The following ACACA variants were observed in gnomAD, a reference collection of about 807,000 sequenced individuals.
ACACA encodes the protein acetyl-CoA carboxylase alpha, also known as acetyl-CoA carboxylase 1.
In ACACA, 103 loss-of-function variants were observed where a neutral mutation model predicts 296.1. The ratio of observed to expected loss-of-function variants is 0.35; its 90% CI spans 0.30 to 0.41. The LOEUF is 0.41. ACACA is among the 10% of genes least tolerant of loss of function. The pLI, the probability that ACACA is intolerant of heterozygous loss-of-function variation, is 1.00. For missense variants in ACACA, 1,554 were observed against 2,989.7 expected, an observed-to-expected ratio of 0.52 and a Z score of 11.20; for synonymous variants, 953 against 1,038.6, an observed-to-expected ratio of 0.92 and a Z score of 1.58.
intron 41 of ACACA, among the ~76,000 whole-genome samples, chr17:37,163,508 C>T (rs372687047): frequency 6.6e-6 from 1 of 152,264 alleles, no homozygotes; most frequent in African/African-American, 2.4e-5. Flanking sequence ...GACATTTGTT[C>T]CAAGAAACCT....
At chr17:37,247,370 A>ATTTTTTTT (rs1555613954) in intron 18 of ACACA, among the ~76,000 whole-genome samples, 12 of 107,604 alleles carry the variant, frequency 1.1e-4, no homozygotes, top group South Asian at 2.7e-4. Flanking sequence ...ACATTTGTGA[A>ATTTTTTTT]TTTCTTTTTT....
At chr17:37,136,559 C>T (rs531865215) in intron 45 of ACACA, among the ~76,000 whole-genome samples, 2 of 152,148 alleles carry the variant, frequency 1.3e-5, no homozygotes, top group East Asian at 3.9e-4. Flanking sequence ...TTCAAAGTGG[C>T]TGTGCCATTT....
At chr17:37,202,499 A>G (rs2078292341) in intron 33 of ACACA, among the ~76,000 whole-genome samples, 1 of 151,910 alleles carries the variant, frequency 6.6e-6, no homozygotes, top group Admixed American at 6.6e-5. Context: ...TGCTGGGACT[A>G]GAAGATTATT....
At chr17:37,201,081 T>G (rs2078225708) in intron 33 of ACACA, among the ~76,000 whole-genome samples, 1 of 152,224 alleles carries the variant, frequency 6.6e-6, no homozygotes, top group Admixed American at 6.5e-5. Flanking sequence ...AAGCAATATT[T>G]AATAGGCCTT....
At chr17:37,360,920 T>C (rs2049379847) in intron 1 of ACACA, among the ~76,000 whole-genome samples, 1 of 152,032 alleles carries the variant, frequency 6.6e-6, no homozygotes, top group Admixed American at 6.6e-5. Flanking sequence ...ATAACAGCAG[T>C]CTCTGAAGCT....
rs748313899 is a variant in ACACA, at chr17:37,181,231, G to A, written c.4902C>T (p.Tyr1634=). 1.2e-6 allele frequency: 2 copies of A among 1,614,110 alleles called. No individual in the cohort carries two copies. The highest frequency in any genetic ancestry group is 3.3e-5 in the Admixed American group (2 of 60,016). The change falls in exon 40 of 56, where the codon TAC becomes TAT. Residue 1634 remains tyrosine, a synonymous_variant. Transcript: ENST00000616317. ...RFQAQSLGTT[Y]IYDIPEMFRQ... is the part of the protein sequence containing the mutation. ...GAAACATCTCTGGGATATCATATAT[G>A]TATGTTGTCCCTAAGGATTGTGCCT...
At position 37,085,734 on chromosome 17, in the gene ACACA, C is replaced by A. The variant is rs2072156370; in HGVS notation, c.*1582G>T. The A allele has an allele frequency of 1.0e-5, 4 of 399,116 alleles. No individual in the cohort carries two copies. Among genetic ancestry groups the A allele is most frequent in the Non-Finnish European group, 1.3e-5 (3 of 226,240 alleles). 24.7% of individuals were successfully genotyped at this position (399,116 alleles called of 1,614,324 possible). A position where few individuals can be genotyped will look rare whatever the true frequency, so the allele number is the denominator to read the frequency against. On this transcript the variant is annotated 3_prime_UTR_variant, in exon 56 of 56. Coordinates refer to ENST00000616317, the MANE Select transcript of ACACA (RefSeq NM_198834.3). ...AACCCAGAACCATTGAAAAGTCCAG[C>A]CAATCTATCCGCACAGATTCCTCCT...
chr17:37,322,000 A>G (rs2047381427), intron 3 of ACACA, among the ~76,000 whole-genome samples: 2 of 152,230 alleles, frequency 1.3e-5, no homozygotes, highest in African/African-American at 2.4e-5. Context: ...ACTCATTAAC[A>G]TACTATGACT....
chr17:37,146,294 G>A (rs1427327580), intron 45 of ACACA, among the ~76,000 whole-genome samples: 1 of 152,104 alleles, frequency 6.6e-6, no homozygotes, highest in African/African-American at 2.4e-5. Context: ...AATGTATTAA[G>A]TTGAAAATGC....
At chr17:37,103,800 G>A (rs903915902) in intron 52 of ACACA, among the ~76,000 whole-genome samples, 2 of 152,126 alleles carry the variant, frequency 1.3e-5, no homozygotes, top group Non-Finnish European at 2.9e-5. Flanking sequence ...ACTTTGGGAA[G>A]CCAAGGTGGG....
At chr17:37,153,103 TTGTG>T (rs909061220) in intron 43 of ACACA, among the ~76,000 whole-genome samples, 1 of 152,216 alleles carries the variant, frequency 6.6e-6, no homozygotes, top group African/African-American at 2.4e-5. Context: ...GTATATGTGT[TTGTG>T]TGCCTGTTTG....
chr17:37,222,484 T>TA (rs995722712), intron 28 of ACACA, among the ~76,000 whole-genome samples: 2 of 151,962 alleles, frequency 1.3e-5, no homozygotes, highest in African/African-American at 2.4e-5. Flanking sequence ...AAATATAAAT[T>TA]AAAAAAAGAA....
chr17:37,391,392 G>A (rs959453859), intron 1 of ACACA, among the ~76,000 whole-genome samples: 2 of 152,208 alleles, frequency 1.3e-5, no homozygotes, highest in African/African-American at 4.8e-5. Context: ...TTACACAGCT[G>A]TTAGAAACAG....
At chr17:37,136,017 G>C in intron 45 of ACACA, among the ~76,000 whole-genome samples, 1 of 149,298 alleles carries the variant, frequency 6.7e-6, no homozygotes. Context: ...AAAGTGCTGG[G>C]ATTACAGACA....
intron 23 of ACACA, among the ~76,000 whole-genome samples, chr17:37,240,861 G>T (rs1350651034): frequency 1.3e-5 from 2 of 152,100 alleles, no homozygotes; most frequent in Non-Finnish European, 2.9e-5. Flanking sequence ...TGAAATGGCT[G>T]AGATATCTGA....
chr17:37,176,321 T>C (rs2077114303), intron 41 of ACACA, among the ~76,000 whole-genome samples: 1 of 152,218 alleles, frequency 6.6e-6, no homozygotes. Flanking sequence ...GCCGTCACTT[T>C]TGGAGAACAC....
intron 41 of ACACA, among the ~76,000 whole-genome samples, chr17:37,177,487 A>G (rs1438782977): frequency 6.6e-6 from 1 of 152,212 alleles, no homozygotes; most frequent in Non-Finnish European, 1.5e-5. Flanking sequence ...GGCAGAAAGA[A>G]AGCAGGAAAG....
intron 45 of ACACA, among the ~76,000 whole-genome samples, chr17:37,148,866 T>C (rs1208869254): frequency 6.6e-6 from 1 of 152,162 alleles, no homozygotes; most frequent in East Asian, 1.9e-4. Flanking sequence ...TAGAACTAGG[T>C]ACTTTTACTT....
intron 1 of ACACA, among the ~76,000 whole-genome samples, chr17:37,377,490 T>C (rs981199315): frequency 1.3e-5 from 2 of 151,840 alleles, no homozygotes; most frequent in African/African-American, 2.4e-5. Context: ...CGAAACCCCA[T>C]CTCTACTAAA....
Sources: gnomAD v4.1 joint callset for allele counts (sites outside exome capture counted in the v4.1 genomes callset) on GRCh38, gnomAD v4.1.1 for gene constraint, MANE v1.5 for transcripts, NCBI Gene and HGNC (gene_info 2026-07-23, HGNC 2026-07-21) for gene names.